Variants in HBS1L observed in about 807,000 individuals in gnomAD.
The protein encoded by HBS1L is HBS1-like protein.
A neutral mutation model predicts 88.9 loss-of-function variants in HBS1L; 55 were observed. The ratio of observed to expected loss-of-function variants is 0.62; its 90% confidence interval spans 0.50 to 0.77. The LOEUF (loss-of-function observed/expected upper bound fraction) is 0.77. HBS1L is among the 30% of genes least tolerant of loss of function. The pLI, the probability that HBS1L is intolerant of heterozygous loss-of-function variation, is 0.00. For synonymous variants in HBS1L, 267 were observed against 288.5 expected (o/e 0.93, Z 0.76); for missense variants, 741 against 829.3 (o/e 0.89, Z 1.31).
intron 1 of HBS1L, among the ~76,000 whole-genome samples, 163 bp from the exon 2 acceptor site, chr6:135,050,810 A>C (rs1413107131): frequency 6.6e-6 from 1 of 152,236 alleles, no homozygotes; most frequent in African/African-American, 2.4e-5. Context: ...TTCACCCACA[A>C]AATAGGTTAT....
Position 134,966,467 on chromosome 6 carries a change from CA to C in HBS1L, c.1904del (p.Leu635Ter). 1.3e-6 allele frequency: 2 copies of C among 1,569,018 alleles called. No homozygotes were observed. The highest frequency in any genetic ancestry group is 8.6e-7 in the Non-Finnish European group (1 of 1,159,368). The stretch of plus-strand genomic sequence containing the variant: ...CTACCAATGCATTCTGGCCTTTAGT[CA>C]AAAACCTATTAAGAAAAAAAAAGAA... ...GEVTKKKPKF[L>X]TKGQNALVEL... On this transcript the variant is annotated frameshift_variant, in exon 17 of 18. Transcript: ENST00000367837. LOFTEE classifies it high-confidence loss of function.
intron 5 of HBS1L, 160 bp downstream of exon 5, chr6:135,002,574 C>A (rs1775492156): frequency 2.1e-6 from 1 of 482,950 alleles, no homozygotes; most frequent in Admixed American, 3.3e-5. Context: ...CCTAATTTCT[C>A]ATTTTGTCTC....
intron 4 of HBS1L, among the ~76,000 whole-genome samples, chr6:135,021,857 T>C (rs1034176376): frequency 2.6e-5 from 4 of 152,110 alleles, no homozygotes; most frequent in African/African-American, 9.7e-5. Context: ...ATAAAACATA[T>C]ACAAAGCCTG....
chr6:135,043,749 G>C (rs1317087552), intron 2 of HBS1L, among the ~76,000 whole-genome samples: 3 of 152,156 alleles, frequency 2.0e-5, no homozygotes, highest in Non-Finnish European at 4.4e-5. Flanking sequence ...CCTGAACAAG[G>C]AGAAAAGAAT....
At chr6:134,975,319 T>C (rs1275338860) in intron 15 of HBS1L, among the ~76,000 whole-genome samples, 1 of 152,124 alleles carries the variant, frequency 6.6e-6, no homozygotes, top group East Asian at 1.9e-4. Flanking sequence ...ATCAATATCA[T>C]GGAAGAGACC....
At chr6:134,974,829 C>A (rs1047607247) in intron 15 of HBS1L, among the ~76,000 whole-genome samples, 3 of 152,120 alleles carry the variant, frequency 2.0e-5, no homozygotes, top group Non-Finnish European at 4.4e-5. Context: ...AAGTTGAAAG[C>A]ATTCCCCCTA....
At chr6:134,991,137 T>A (rs765544425) in intron 8 of HBS1L, among the ~76,000 whole-genome samples, 7 of 151,446 alleles carry the variant, frequency 4.6e-5, no homozygotes, top group Non-Finnish European at 1.0e-4. Flanking sequence ...GTAAATGCAA[T>A]GAGAAGTACA....
At chr6:134,996,751 T>C in intron 7 of HBS1L, 26 bp downstream of exon 7, 1 of 1,540,496 alleles carries the variant, frequency 6.5e-7, no homozygotes, top group Admixed American at 2.1e-5. Flanking sequence ...GATTTCAAAC[T>C]GAAAATTTTG....
intron 16 of HBS1L, among the ~76,000 whole-genome samples, chr6:134,968,888 A>G (rs548222373): frequency 1.8e-4 from 27 of 152,214 alleles, no homozygotes; most frequent in Non-Finnish European, 3.5e-4. Flanking sequence ...CGCAGTAGAA[A>G]TTTGGAACCG....
At chr6:134,993,428 A>T (rs1775201294) in intron 8 of HBS1L, among the ~76,000 whole-genome samples, 1 of 152,196 alleles carries the variant, frequency 6.6e-6, no homozygotes, top group South Asian at 2.1e-4. Flanking sequence ...GAAAGACATA[A>T]GGCAGATTTT....
intron 15 of HBS1L, among the ~76,000 whole-genome samples, chr6:134,972,087 T>C (rs1173104627): frequency 1.3e-5 from 2 of 152,208 alleles, no homozygotes; most frequent in Admixed American, 6.5e-5. Flanking sequence ...GTATGCATTA[T>C]TTACCTTTCT....
rs1776662825 is a variant in HBS1L, at chr6:135,039,574, T to G, written c.429A>C (p.Lys143Asn). 6.8e-6 allele frequency: 11 copies of G among 1,612,578 alleles called. No individual in the cohort carries two copies. Among genetic ancestry groups the G allele is most frequent in the Non-Finnish European group, 9.3e-6 (11 of 1,179,172 alleles). ...EATVSTGKIA[K>N]GKPVDSQTSR... ...GAAAAAGAACAAGTAAAGGCATACC[T>G]TTTGCTATCTTTCCTGTAGATACTG... Residue 143 changes from lysine to asparagine, a missense_variant and splice_region_variant, in exon 4 of 18, where the codon AAA becomes AAC. Around this residue, in one of 3 missense-constraint regions of HBS1L, gnomAD observed 556 missense variants for 598.4 expected, o/e 0.93. Transcript: ENST00000367837.
At chr6:135,052,296 G>T (rs1777109870) in intron 1 of HBS1L, among the ~76,000 whole-genome samples, 3 of 152,124 alleles carry the variant, frequency 2.0e-5, no homozygotes, top group African/African-American at 7.2e-5. Flanking sequence ...AGTATTTTTA[G>T]ATATTGAAGA....
intron 2 of HBS1L, among the ~76,000 whole-genome samples, chr6:135,048,215 C>G (rs951172495): frequency 2.0e-5 from 3 of 152,156 alleles, no homozygotes; most frequent in Non-Finnish European, 4.4e-5. Context: ...CAGTATCACC[C>G]CAGCAATACT....
At chr6:134,970,334 C>T (rs543621760) in intron 15 of HBS1L, among the ~76,000 whole-genome samples, 208 of 152,178 alleles carry the variant, frequency 1.4e-3, no homozygotes, top group Non-Finnish European at 2.5e-3. Flanking sequence ...GGTTTCACCA[C>T]GTTGGCCAGG....
chr6:134,977,635 T>C (rs1390216277), intron 15 of HBS1L, among the ~76,000 whole-genome samples: 1 of 152,006 alleles, frequency 6.6e-6, no homozygotes, highest in Non-Finnish European at 1.5e-5. Flanking sequence ...TACAAGGTTA[T>C]CTCAAATATA....
chr6:135,003,568 T>TAAA lies in HBS1L; in HGVS notation c.431-729_431-727dup, dbSNP rs35996451. Reference sequence around the variant, plus strand: ...GGTGACAAAGCAAGACTCCATCTCTTAAAAAAAAAAAAAAAAAGGCCAGGC... The same window carrying TAAA: ...GGTGACAAAGCAAGACTCCATCTCTTAAAAAAAAAAAAAAAAAAAAGGCCAGGC... On this transcript the variant is annotated intron_variant, in intron 4 of 17. Transcript: ENST00000367837. Among the ~76,000 whole-genome samples, 242 of 128,288 alleles carry TAAA rather than the reference T, an allele frequency of 1.9e-3. 4 individuals are homozygous for TAAA. The highest frequency in any genetic ancestry group is 0.013 in the Middle Eastern group (3 of 240). The allele number at this position is 128,288 out of a possible 152,430, so 84.2% of individuals were successfully genotyped here.
At chr6:135,024,751 T>A (rs1222504055) in intron 4 of HBS1L, among the ~76,000 whole-genome samples, 1 of 149,998 alleles carries the variant, frequency 6.7e-6, no homozygotes, top group East Asian at 1.9e-4. Context: ...TAAATTAAGA[T>A]ATGTTAACAT....
intron 1 of HBS1L, among the ~76,000 whole-genome samples, chr6:135,052,125 A>T (rs1777104609): frequency 6.6e-6 from 1 of 152,208 alleles, no homozygotes; most frequent in African/African-American, 2.4e-5. Context: ...ATGCAGCAGG[A>T]ACAGCATGCT....
Sources: allele counts gnomAD v4.1 joint callset (sites outside exome capture counted in the v4.1 genomes callset), GRCh38; gene constraint gnomAD v4.1.1; regional missense constraint gnomAD v4.1.1; transcripts MANE v1.5; gene names NCBI Gene and HGNC (gene_info 2026-07-23, HGNC 2026-07-21).